Variants in TMEM134 observed in about 807,000 individuals in gnomAD.
The protein encoded by TMEM134 is transmembrane protein 134.
A neutral mutation model predicts 26.2 loss-of-function variants in TMEM134; 36 were observed. The ratio of observed to expected loss-of-function variants is 1.37; its 90% CI spans 1.05 to 1.81. The LOEUF is 1.81. TMEM134 is among the 40% of genes most tolerant of loss of function. TMEM134 has a pLI of 0.00. For synonymous variants in TMEM134, 133 were observed against 113.6 expected (o/e 1.17, Z -1.08); for missense variants, 339 against 263.5 (o/e 1.29, Z -1.98).
chr11:67,466,608 C>A, intron 4 of TMEM134: 1 of 153,682 alleles, frequency 6.5e-6, no homozygotes, highest in Non-Finnish European at 1.4e-5. Flanking sequence ...GCTGGGGAGC[C>A]TTGGCCTTCC....
At position 67,467,363 on chromosome 11, in the gene TMEM134, T is replaced by C; in HGVS notation, c.355A>G (p.Lys119Glu). ...GAGGCCAGCACCACTCGGCGGTTCT[T>C]CTGGATCAAAGGGTGTTGGGTCCAG... ...CSWTQHPLIQ[K>E]NRRVVLASFL... The change falls in exon 4 of 7, where the codon AAG (lysine) becomes GAG (glutamate). Residue 119 changes from lysine to glutamate, a missense_variant. By Grantham distance (56) the Lys-to-Glu change is moderately conservative (BLOSUM62 1). Transcript: ENST00000308022. 6.2e-7 allele frequency: 1 copy of C among 1,613,944 alleles called. No homozygotes were observed.
rs753943098 is a variant in TMEM134 at position 67,464,504 on chromosome 11, G to A, written c.*110C>T. The A allele has an allele frequency of 7.8e-5, 93 of 1,187,318 alleles. No homozygotes were observed. Among genetic ancestry groups the A allele is most frequent in the Non-Finnish European group, 9.8e-5 (81 of 824,062 alleles). 73.5% of individuals were successfully genotyped at this position (1,187,318 alleles called of 1,614,324 possible). A position where few individuals can be genotyped will look rare whatever the true frequency, so the allele number is the denominator to read the frequency against. ...CCGAACTTCCTGAGCAAACTCCCTA[G>A]GGGCTGGGGTTTCGAGGGTCCTGGA... On this transcript the variant is annotated 3_prime_UTR_variant, in exon 7 of 7. Transcript: ENST00000308022.
At chr11:67,467,779 G>C in intron 2 of TMEM134, 189 bp from the exon 3 acceptor site, 1 of 677,914 alleles carries the variant, frequency 1.5e-6, no homozygotes, top group Non-Finnish European at 2.5e-6. Flanking sequence ...GATTCTGTAG[G>C]ACAGGTGACC....
chr11:67,469,064 C>T lies in TMEM134; in HGVS notation c.129G>A (p.Arg43=), dbSNP rs1436049870. Residue 43 remains arginine, a synonymous_variant, in exon 1 of 7, where the codon CGG becomes CGA. Transcript: ENST00000308022. ...GCTTGTCCTCGTCAGCCACCTCGAACCGGGCCCGACGCTCGAAGTGCAGCG... is the reference window on the plus strand; with the variant it reads ...GCTTGTCCTCGTCAGCCACCTCGAATCGGGCCCGACGCTCGAAGTGCAGCG... The part of the protein sequence containing the change: ...FGPLHFERRA[R]FEVADEDKQS... The T allele has an allele frequency of 3.3e-6, 5 of 1,516,368 alleles. No individual in the cohort carries two copies. The highest frequency in any genetic ancestry group is 1.2e-5 in the South Asian group (1 of 82,378). 93.9% of individuals were successfully genotyped at this position (1,516,368 alleles called of 1,614,324 possible). A position where few individuals can be genotyped will look rare whatever the true frequency, so the allele number is the denominator to read the frequency against.
chr11:67,465,141 T>A (rs1263563956), intron 4 of TMEM134, 41 bp from the exon 5 acceptor site: 1 of 1,546,526 alleles, frequency 6.5e-7, no homozygotes, highest in Non-Finnish European at 8.7e-7. Flanking sequence ...GCAGGAGCAG[T>A]GGTGAGGGCG....
chr11:67,468,909 G>A, intron 1 of TMEM134, 110 bp downstream of exon 1: 1 of 1,129,294 alleles, frequency 8.9e-7, no homozygotes, highest in African/African-American at 1.6e-5. Flanking sequence ...GCGGTCTCGC[G>A]CTTCAGCTGG....
Position 67,464,859 on chromosome 11 carries a change from G to T in TMEM134, c.452-3C>A, listed in dbSNP as rs375442564. On this transcript the variant is annotated splice_polypyrimidine_tract_variant and splice_region_variant and intron_variant, in intron 5 of 6. Coordinates refer to ENST00000308022, the MANE Select transcript of TMEM134 (RefSeq NM_025124.4). The stretch of plus-strand genomic sequence containing the variant: ...GAAGAAGATGGCGCTGGAGACACCT[G>T]CGGGAGGGACCAGAGCCCGGTCAGG... 1.1e-4 allele frequency: 183 copies of T among 1,610,484 alleles called. No homozygotes were observed. In the African/African-American group the frequency reaches 2.2e-3, roughly 20 times the overall value.
chr11:67,465,295 T>G (rs545401303), intron 4 of TMEM134, 195 bp from the exon 5 acceptor site: 2 of 1,405,890 alleles, frequency 1.4e-6, no homozygotes, highest in Non-Finnish European at 1.9e-6. Context: ...GGAGAGATTT[T>G]TCTTTGTTCC....
At chr11:67,465,617 A>C (rs969984643) in intron 4 of TMEM134, among the ~76,000 whole-genome samples, 8 of 152,108 alleles carry the variant, frequency 5.3e-5, no homozygotes, top group Non-Finnish European at 8.8e-5. Context: ...TGCTTTGTGC[A>C]TTGCCCAGAC....
chr11:67,465,085 C>G lies in TMEM134; in HGVS notation c.422G>C (p.Gly141Ala). 3 of 1,586,472 alleles carry G rather than the reference C, an allele frequency of 1.9e-6. No homozygotes were observed. Among genetic ancestry groups the G allele is most frequent in the Non-Finnish European group, 2.6e-6 (3 of 1,170,210 alleles). Residue 141 changes from glycine to alanine, a missense_variant, in exon 5 of 7, where the codon GGC (glycine) becomes GCC (alanine). Coordinates refer to ENST00000308022, the MANE Select transcript of TMEM134 (RefSeq NM_025124.4). Reference sequence around the variant, plus strand: ...AGAGGGGGTCGCCTCCAGTCCCACGCCGACCAGGATCAGCACTGCACACAG... The same window carrying G: ...AGAGGGGGTCGCCTCCAGTCCCACGGCGACCAGGATCAGCACTGCACACAG... Reference protein sequence around the residue: ...LLLGLVLILVGVGLEATPSPG... With the variant: ...LLLGLVLILVAVGLEATPSPG...
At chr11:67,467,944 G>A in intron 2 of TMEM134, 84 bp downstream of exon 2, 1 of 1,246,280 alleles carries the variant, frequency 8.0e-7, no homozygotes, top group Non-Finnish European at 1.1e-6. Context: ...GAGAGTGAGT[G>A]AAGTGGGGTG....
chr11:67,464,518 G>C lies in TMEM134; in HGVS notation c.*96C>G, dbSNP rs1865111609. The C allele has an allele frequency of 7.6e-7, 1 of 1,317,046 alleles. No individual in the cohort carries two copies. The highest frequency in any genetic ancestry group is 1.1e-6 in the Non-Finnish European group (1 of 938,678). 81.6% of individuals were successfully genotyped at this position (1,317,046 alleles called of 1,614,324 possible). A position where few individuals can be genotyped will look rare whatever the true frequency, so the allele number is the denominator to read the frequency against. On this transcript the variant is annotated 3_prime_UTR_variant, in exon 7 of 7. Coordinates refer to ENST00000308022, the MANE Select transcript of TMEM134 (RefSeq NM_025124.4). ...CAAACTCCCTAGGGGCTGGGGTTTCGAGGGTCCTGGAGGGCCTCTTCCCTT... is the reference window on the plus strand; with the variant it reads ...CAAACTCCCTAGGGGCTGGGGTTTCCAGGGTCCTGGAGGGCCTCTTCCCTT...
rs971197051 is a variant in TMEM134, at chr11:67,469,151, G to T, written c.42C>A (p.Phe14Leu). 4.8e-6 allele frequency: 7 copies of T among 1,469,164 alleles called. No homozygotes were observed. In the African/African-American group the frequency reaches 7.4e-5, roughly 15 times the overall value. 91.0% of individuals were successfully genotyped at this position (1,469,164 alleles called of 1,614,324 possible). Residue 14 changes from phenylalanine (F) to leucine (L), a missense_variant, in exon 1 of 7, where the codon TTC becomes TTA. Physicochemically the swap from Phe to Leu is conservative, Grantham distance 22. Transcript: ENST00000308022. The stretch of plus-strand genomic sequence containing the variant: ...GGCCCCCGTCCTCCAGGGACAGCTC[G>T]AAGGCATCATCAATGCTGAACTGGG... ...ARPQFSIDDAFELSLEDGGPG... is the reference protein window; with the variant it reads ...ARPQFSIDDALELSLEDGGPG...
Position 67,469,046 on chromosome 11 carries a change from C to T in TMEM134, c.147G>A (p.Glu49=), listed in dbSNP as rs774425342. The T allele has an allele frequency of 5.3e-6, 8 of 1,515,306 alleles. No individual in the cohort carries two copies. Among genetic ancestry groups the T allele is most frequent in the South Asian group, 1.2e-5 (1 of 82,440 alleles). The allele number at this position is 1,515,306 out of a possible 1,614,324, so 93.9% of individuals were successfully genotyped here. ...GGTAGCGCAGCCGGGACTGCTTGTC[C>T]TCGTCAGCCACCTCGAACCGGGCCC... ...ERRARFEVAD[E]DKQSRLRYQN... Residue 49 remains glutamate, a synonymous_variant, in exon 1 of 7, where the codon GAG becomes GAA. Transcript: ENST00000308022.
At position 67,464,337 on chromosome 11, in the gene TMEM134, G is replaced by C. The variant is rs999562008; in HGVS notation, c.*277C>G. 2.1e-6 allele frequency: 1 copy of C among 486,556 alleles called. No homozygotes were observed. The highest frequency in any genetic ancestry group is 3.4e-6 in the Non-Finnish European group (1 of 290,406). 30.1% of individuals were successfully genotyped at this position (486,556 alleles called of 1,614,324 possible). A position where few individuals can be genotyped will look rare whatever the true frequency, so the allele number is the denominator to read the frequency against. Reference sequence around the variant, plus strand: ...GGCTGGGCTAGCAGTGGCAGGACAGGAGGAGAGCAATTGCCTCTGGTGGAA... The same window carrying C: ...GGCTGGGCTAGCAGTGGCAGGACAGCAGGAGAGCAATTGCCTCTGGTGGAA... On this transcript the variant is annotated 3_prime_UTR_variant, in exon 7 of 7. Coordinates refer to ENST00000308022, the MANE Select transcript of TMEM134 (RefSeq NM_025124.4).
rs1470203755 is a variant in TMEM134, at chr11:67,463,822, TTTC to T, written c.*789_*791del. On this transcript the variant is annotated 3_prime_UTR_variant, in exon 7 of 7. Transcript: ENST00000308022. ...TGTTCCAAAATTCTGAGATGGTTTG[TTTC>T]TAACGTTCTGCATTTCTAAGTCTTT... 2 of 152,314 alleles carry T rather than the reference TTTC, an allele frequency of 1.3e-5. No homozygotes were observed. Among genetic ancestry groups the T allele is most frequent in the Non-Finnish European group, 2.9e-5 (2 of 68,060 alleles). The allele number at this position is 152,314 out of a possible 1,614,324, so 9.4% of individuals were successfully genotyped here.
At position 67,467,430 on chromosome 11, in the gene TMEM134, G is replaced by T. The variant is rs765872348; in HGVS notation, c.330-42C>A. ...CAGGGTGAATGTGAAGGAGGTGGAG[G>T]GAGGGGGTGCAGGAGGCTGTGGGGG... On this transcript the variant is annotated intron_variant, in intron 3 of 6. Coordinates refer to ENST00000308022, the MANE Select transcript of TMEM134 (RefSeq NM_025124.4). 5.6e-6 allele frequency: 9 copies of T among 1,613,264 alleles called. No homozygotes were observed. The South Asian group carries it at 8.8e-5, about 16-fold the overall frequency.
chr11:67,464,988 G>T, intron 5 of TMEM134, 68 bp downstream of exon 5: 2 of 1,489,624 alleles, frequency 1.3e-6, no homozygotes, highest in Non-Finnish European at 9.2e-7. Context: ...AGGTGGGAGG[G>T]CTTGCCGTGG....
intron 2 of TMEM134, 200 bp downstream of exon 2, chr11:67,467,828 G>T: frequency 1.5e-6 from 1 of 659,390 alleles, no homozygotes; most frequent in Non-Finnish European, 2.6e-6. Context: ...GGGGGTTTCT[G>T]AAAGAGGTGA....
Sources: allele counts gnomAD v4.1 joint callset (sites outside exome capture counted in the v4.1 genomes callset), GRCh38; gene constraint gnomAD v4.1.1; transcripts MANE v1.5; gene names NCBI Gene and HGNC (gene_info 2026-07-23, HGNC 2026-07-21).